The following ASTN2 variants were observed in gnomAD, a reference collection of about 807,000 sequenced individuals.
ASTN2 encodes the protein astrotactin 2, also known as astrotactin-2.
In ASTN2, 54 loss-of-function variants were observed where a neutral mutation model predicts 139.8. The ratio of observed to expected loss-of-function variants is 0.39; its 90% CI spans 0.31 to 0.48. ASTN2 has a LOEUF of 0.48. Ranked by LOEUF, ASTN2 falls within the 20% of genes least tolerant of loss-of-function variation. ASTN2 has a pLI of 0.95. For synonymous variants in ASTN2, 756 were observed against 719.5 expected (o/e 1.05, Z -0.81); for missense variants, 1,565 against 1,725.1 (o/e 0.91, Z 1.64).
chr9:116,709,241 ACCCTCAG>A (rs1828075953), intron 16 of ASTN2, among the ~76,000 whole-genome samples: 1 of 151,836 alleles, frequency 6.6e-6, no homozygotes, highest in African/African-American at 2.4e-5. Flanking sequence ...TCCCACCACC[ACCCTCAG>A]CCCCTTGCTA....
chr9:116,492,085 CTT>C (rs796673453), intron 19 of ASTN2, among the ~76,000 whole-genome samples: 10 of 143,140 alleles, frequency 7.0e-5, no homozygotes, highest in East Asian at 2.0e-4. Context: ...GTTTTTCTCT[CTT>C]TTTTTTTTTT....
intron 16 of ASTN2, among the ~76,000 whole-genome samples, chr9:116,704,485 T>C (rs1370598523): frequency 1.3e-5 from 2 of 152,220 alleles, no homozygotes; most frequent in African/African-American, 4.8e-5. Context: ...GTTTATGTTT[T>C]AAAGGGCTGT....
chr9:117,403,692 GGGT>G lies in ASTN2; in HGVS notation c.442+10802_442+10804del, dbSNP rs1470186306. On this transcript the variant is annotated intron_variant, in intron 1 of 22. Transcript: ENST00000313400. ...TTGCAAAGCCACTCGTGACTTCCCT[GGGT>G]GCATGAGAGCAAGGCTTTGTCAGCC... 6.6e-5 allele frequency among the ~76,000 whole-genome samples: 10 copies of G among 152,166 alleles called. No individual in the cohort carries two copies. In the East Asian group the frequency reaches 1.9e-3, roughly 29 times the overall value.
Position 117,414,630 on chromosome 9 carries a change from C to CGCG in ASTN2, c.306_308dup (p.Ala103dup), listed in dbSNP as rs562054248. 2,620 of 1,436,558 alleles carry CGCG rather than the reference C, an allele frequency of 1.8e-3. 40 individuals are homozygous for CGCG. In the African/African-American group the frequency reaches 0.031, roughly 17 times the overall value. The allele number at this position is 1,436,558 out of a possible 1,614,324, so 89.0% of individuals were successfully genotyped here. Reference sequence around the variant, plus strand: ...CGGCAGAGCCAGGAGAGCCCGGGGACGCGGCGGCGGCGGCGGCTCCGGCCC... The same window carrying CGCG: ...CGGCAGAGCCAGGAGAGCCCGGGGACGCGGCGGCGGCGGCGGCGGCTCCGGCCC... On this transcript the variant is annotated inframe_insertion, in exon 1 of 23. Coordinates refer to ENST00000313400, the MANE Select transcript of ASTN2 (RefSeq NM_001365068.1). The surrounding 1 kb of genome is among the most constrained non-coding windows in gnomAD (Gnocchi z 4.2).
At chr9:116,485,956 A>G (rs1849325125) in intron 20 of ASTN2, among the ~76,000 whole-genome samples, 1 of 152,222 alleles carries the variant, frequency 6.6e-6, no homozygotes, top group Admixed American at 6.5e-5. Context: ...CTTTGAGGTA[A>G]GCAAGGTTCA....
chr9:117,209,050 G>A (rs1267950712), intron 3 of ASTN2, among the ~76,000 whole-genome samples: 2 of 152,054 alleles, frequency 1.3e-5, no homozygotes, highest in Non-Finnish European at 2.9e-5. Context: ...CTCACTGGTA[G>A]AGCCAATATA....
intron 10 of ASTN2, among the ~76,000 whole-genome samples, chr9:116,926,330 C>T (rs1834754476): frequency 6.6e-6 from 1 of 152,190 alleles, no homozygotes; most frequent in Admixed American, 6.5e-5. Flanking sequence ...CGTTGCCACC[C>T]CCTGCCACTG....
intron 3 of ASTN2, among the ~76,000 whole-genome samples, chr9:117,142,323 G>A (rs1830094988): frequency 6.6e-6 from 1 of 152,216 alleles, no homozygotes; most frequent in Non-Finnish European, 1.5e-5. Context: ...AAGGAGGCCT[G>A]GACTGAGGCT....
At position 116,919,640 on chromosome 9, in the gene ASTN2, A is replaced by ATTTT. The variant is rs72054196; in HGVS notation, c.1889+55564_1889+55567dup. Among the ~76,000 whole-genome samples the ATTTT allele has an allele frequency of 3.4e-3, 388 of 113,560 alleles. 7 individuals carry two copies. The highest frequency in any genetic ancestry group is 0.013 in the African/African-American group (358 of 28,504). 74.5% of individuals were successfully genotyped at this position (113,560 alleles called of 152,430 possible). On this transcript the variant is annotated intron_variant, in intron 10 of 22. Coordinates refer to ENST00000313400, the MANE Select transcript of ASTN2 (RefSeq NM_001365068.1). ...TGTGTCAATTGTTTACAAAAACATC[A>ATTTT]TTTTTTTTTTTTTTTTTTTTTTTAG...
At chr9:116,629,293 A>G (rs1325939705) in intron 17 of ASTN2, among the ~76,000 whole-genome samples, 1 of 151,706 alleles carries the variant, frequency 6.6e-6, no homozygotes, top group Non-Finnish European at 1.5e-5. Flanking sequence ...AATTTTTTGC[A>G]TTTTTGGTAG....
chr9:116,973,435 A>G (rs1400774473), intron 10 of ASTN2, among the ~76,000 whole-genome samples: 2 of 152,218 alleles, frequency 1.3e-5, no homozygotes, highest in East Asian at 3.9e-4. Flanking sequence ...CACTTGGTAG[A>G]GATGGAATTC....
At chr9:116,546,265 T>A (rs1852086429) in intron 19 of ASTN2, 1 of 152,280 alleles carries the variant, frequency 6.6e-6, no homozygotes. Context: ...TGAGTTCCCA[T>A]TACAGATGAC....
intron 11 of ASTN2, among the ~76,000 whole-genome samples, chr9:116,853,658 T>TA (rs1260260843): frequency 6.6e-6 from 1 of 152,210 alleles, no homozygotes; most frequent in Non-Finnish European, 1.5e-5. Flanking sequence ...AGAGACCCTT[T>TA]AGGCCAAATA....
At chr9:116,982,231 G>T (rs1029495217) in intron 7 of ASTN2, among the ~76,000 whole-genome samples, 1 of 152,108 alleles carries the variant, frequency 6.6e-6, no homozygotes, top group Admixed American at 6.5e-5. Context: ...CTTCAAATTT[G>T]CAAGAACCTG....
chr9:117,340,331 CAAAAAAAAAAAAAAA>C (rs56228779), intron 1 of ASTN2, among the ~76,000 whole-genome samples: 1 of 40,190 alleles, frequency 2.5e-5, no homozygotes, highest in African/African-American at 1.0e-4. Flanking sequence ...GACTCAGTCT[CAAAAAAAAAAAAAAA>C]AAAAAAAAAA....
At chr9:116,720,067 C>T (rs1358417085) in intron 16 of ASTN2, among the ~76,000 whole-genome samples, 1 of 152,102 alleles carries the variant, frequency 6.6e-6, no homozygotes, top group African/African-American at 2.4e-5. Context: ...TCTCATCAGC[C>T]CCTTGGCCAC....
chr9:116,975,429 T>C, intron 9 of ASTN2, 84 bp from the exon 10 acceptor site: 4 of 1,357,262 alleles, frequency 2.9e-6, no homozygotes, highest in Non-Finnish European at 9.8e-7. Context: ...CCATCCCTTC[T>C]AGGGCAATTT....
intron 19 of ASTN2, chr9:116,611,718 C>G (rs1855547747): frequency 6.6e-6 from 1 of 152,034 alleles, no homozygotes; most frequent in South Asian, 2.1e-4. Flanking sequence ...AACAGATAAT[C>G]TAAGTAAATC....
intron 10 of ASTN2, among the ~76,000 whole-genome samples, chr9:116,949,312 T>A (rs899261909): frequency 1.3e-5 from 2 of 152,166 alleles, no homozygotes; most frequent in Non-Finnish European, 2.9e-5. Context: ...CTAGAATGAT[T>A]TGTTGCTTCT....
Sources: allele counts gnomAD v4.1 joint callset (sites outside exome capture counted in the v4.1 genomes callset), GRCh38; gene constraint gnomAD v4.1.1; non-coding constraint Gnocchi (gnomAD v3.1); transcripts MANE v1.5; gene names NCBI Gene and HGNC (gene_info 2026-07-23, HGNC 2026-07-21).